BMPER: variants seen among roughly 807,000 people sequenced by gnomAD.
BMPER encodes the protein BMP-binding endothelial regulator protein.
BMPER carries 45 observed loss-of-function variants against 87.3 expected under a neutral mutation model. That is an observed-to-expected ratio of 0.52 (90% CI 0.41 to 0.66). BMPER has a LOEUF of 0.66. Ranked by LOEUF, BMPER falls within the 30% of genes least tolerant of loss-of-function variation. The pLI, the probability that BMPER is intolerant of heterozygous loss-of-function variation, is 0.00. For synonymous variants in BMPER, 326 were observed against 316.2 expected, an observed-to-expected ratio of 1.03 and a Z score of -0.33; for missense variants, 784 against 867.5, an observed-to-expected ratio of 0.90 and a Z score of 1.21.
At chr7:34,119,037 C>G (rs1235842911) in intron 13 of BMPER, among the ~76,000 whole-genome samples, 1 of 151,450 alleles carries the variant, frequency 6.6e-6, no homozygotes, top group Non-Finnish European at 1.5e-5. Context: ...CACACACACA[C>G]GCACTCGATA....
chr7:33,916,596 C>CA (rs1784091717), intron 2 of BMPER, among the ~76,000 whole-genome samples: 1 of 152,370 alleles, frequency 6.6e-6, no homozygotes. Flanking sequence ...CACATTCATA[C>CA]AGCCTTCTGT....
intron 6 of BMPER, among the ~76,000 whole-genome samples, chr7:33,998,931 A>G (rs1786500298): frequency 6.6e-6 from 1 of 152,116 alleles, no homozygotes; most frequent in African/African-American, 2.4e-5. Flanking sequence ...AGAAGCCTCT[A>G]GTGTTGGGAA....
chr7:34,037,758 T>C (rs947738382), intron 6 of BMPER, among the ~76,000 whole-genome samples: 6 of 152,204 alleles, frequency 3.9e-5, no homozygotes, highest in Admixed American at 2.0e-4. Flanking sequence ...AATTTGCCTA[T>C]GACAAAAGGA....
chr7:34,128,751 C>T (rs1790467873), intron 13 of BMPER, among the ~76,000 whole-genome samples: 1 of 152,250 alleles, frequency 6.6e-6, no homozygotes, highest in South Asian at 2.1e-4. Flanking sequence ...TTATAGAACA[C>T]ATTTTCATTT....
chr7:34,064,403 T>C (rs1585793395), intron 11 of BMPER, among the ~76,000 whole-genome samples: 2 of 152,326 alleles, frequency 1.3e-5, no homozygotes, highest in East Asian at 1.9e-4. Flanking sequence ...AAATCTACAT[T>C]ATATTATCAG....
intron 13 of BMPER, among the ~76,000 whole-genome samples, chr7:34,130,969 A>T (rs560407831): frequency 3.3e-5 from 5 of 152,052 alleles, no homozygotes; most frequent in Non-Finnish European, 7.4e-5. Context: ...TAAAAAGAGA[A>T]AATCATGTGA....
At chr7:34,025,401 C>T (rs960783962) in intron 6 of BMPER, among the ~76,000 whole-genome samples, 11 of 151,908 alleles carry the variant, frequency 7.2e-5, no homozygotes, top group Admixed American at 1.3e-4. Context: ...CAGCTTCAGG[C>T]GAATGGTGGG....
chr7:33,926,767 C>T (rs539536440), intron 2 of BMPER, among the ~76,000 whole-genome samples: 4 of 152,308 alleles, frequency 2.6e-5, no homozygotes, highest in South Asian at 2.1e-4. Flanking sequence ...ATACAGGGGA[C>T]GCTGTCCAAG....
chr7:34,133,796 G>A (rs1311015335), intron 13 of BMPER, among the ~76,000 whole-genome samples: 5 of 152,286 alleles, frequency 3.3e-5, no homozygotes, highest in Non-Finnish European at 7.4e-5. Flanking sequence ...AGAACTAGTG[G>A]TTAGTGGGGA....
At chr7:33,977,142 T>A (rs1785707841) in intron 6 of BMPER, among the ~76,000 whole-genome samples, 1 of 152,170 alleles carries the variant, frequency 6.6e-6, no homozygotes, top group African/African-American at 2.4e-5. Flanking sequence ...TCAGTTTGGG[T>A]ATGGGGAGTG....
intron 12 of BMPER, among the ~76,000 whole-genome samples, chr7:34,083,283 C>T (rs143868653): frequency 6.2e-4 from 94 of 152,352 alleles, no homozygotes; most frequent in African/African-American, 2.1e-3. Flanking sequence ...CATGGGAGGT[C>T]AGCCCAGCCT....
chr7:34,061,880 C>T (rs1788444587), intron 10 of BMPER, 122 bp from the exon 11 acceptor site: 3 of 845,660 alleles, frequency 3.5e-6, no homozygotes, highest in Admixed American at 2.6e-5. Context: ...AGTTCAAATA[C>T]AGCTTGGACT....
intron 6 of BMPER, among the ~76,000 whole-genome samples, chr7:33,992,459 C>T (rs575597881): frequency 0.12 from 16,224 of 140,706 alleles, 1,224 homozygotes; most frequent in Admixed American, 0.21. Flanking sequence ...TTTTTGTTTT[C>T]CATTGGCTTG....
chr7:33,969,566 A>AT (rs1471746376), intron 4 of BMPER, among the ~76,000 whole-genome samples: 3 of 151,844 alleles, frequency 2.0e-5, no homozygotes, highest in African/African-American at 7.3e-5. Flanking sequence ...CGCCCGGCTA[A>AT]TTTTTTGTAT....
chr7:34,096,694 G>C (rs1463872384), intron 13 of BMPER, among the ~76,000 whole-genome samples: 3 of 151,874 alleles, frequency 2.0e-5, no homozygotes, highest in Non-Finnish European at 4.4e-5. Context: ...ATTCAGAAGT[G>C]TACACATTAA....
At chr7:33,974,679 C>T (rs1444562374) in intron 5 of BMPER, 23 bp from the exon 6 acceptor site, 5 of 1,610,948 alleles carry the variant, frequency 3.1e-6, no homozygotes, top group Non-Finnish European at 4.2e-6. Context: ...TGCCCTAATT[C>T]TAAACTCTTG....
intron 12 of BMPER, among the ~76,000 whole-genome samples, chr7:34,084,094 A>G (rs1409539886): frequency 6.6e-6 from 1 of 151,932 alleles, no homozygotes; most frequent in Non-Finnish European, 1.5e-5. Flanking sequence ...GCCTGAGCTC[A>G]GGAGTTTGAG....
At chr7:34,129,577 GGAGA>G (rs759886152) in intron 13 of BMPER, among the ~76,000 whole-genome samples, 1,461 of 47,512 alleles carry the variant, frequency 0.031, 43 homozygotes, top group South Asian at 0.13. Context: ...AAGGAAGGAA[GGAGA>G]GAGAGAGAGA....
At chr7:34,146,402 C>G (rs1336959578) in intron 14 of BMPER, among the ~76,000 whole-genome samples, 1 of 152,056 alleles carries the variant, frequency 6.6e-6, no homozygotes, top group East Asian at 1.9e-4. Flanking sequence ...AATATGTGCC[C>G]GCCACCTATG....
Sources: gnomAD v4.1 joint callset for allele counts (sites outside exome capture counted in the v4.1 genomes callset) on GRCh38, gnomAD v4.1.1 for gene constraint, MANE v1.5 for transcripts, NCBI Gene and HGNC (gene_info 2026-07-23, HGNC 2026-07-21) for gene names.